The following PCDH15 variants were observed in gnomAD, a reference collection of about 807,000 sequenced individuals.
The protein encoded by PCDH15 is protocadherin related 15, also known as protocadherin-15.
PCDH15 carries 129 observed loss-of-function variants against 178.5 expected under a neutral mutation model. The ratio of observed to expected loss-of-function variants is 0.72; its 90% CI spans 0.63 to 0.84. The LOEUF (loss-of-function observed/expected upper bound fraction) is 0.84. Among genes scored for constraint, PCDH15 ranks in the 40% least tolerant of loss-of-function variants. The pLI, the probability that PCDH15 is intolerant of heterozygous loss-of-function variation, is 0.00. For synonymous variants in PCDH15, 800 were observed against 732.0 expected, an observed-to-expected ratio of 1.09 and a Z score of -1.50; for missense variants, 2,230 against 2,099.9, an observed-to-expected ratio of 1.06 and a Z score of -1.21.
chr10:54,940,856 T>C (rs927236413), intron 2 of PCDH15, among the ~76,000 whole-genome samples: 2 of 152,108 alleles, frequency 1.3e-5, no homozygotes, highest in African/African-American at 4.8e-5. Flanking sequence ...TCTAGCATTC[T>C]TGTGGTTGCT....
At chr10:54,711,502 T>C (rs969289548) in intron 1 of PCDH15, among the ~76,000 whole-genome samples, 2 of 151,932 alleles carry the variant, frequency 1.3e-5, no homozygotes, top group Non-Finnish European at 2.9e-5. Context: ...AAGGACAACG[T>C]ACAAAATCAA....
chr10:55,342,942 A>G (rs1002193915), intron 2 of PCDH15, among the ~76,000 whole-genome samples: 1 of 152,126 alleles, frequency 6.6e-6, no homozygotes, highest in Admixed American at 6.6e-5. Context: ...TTGCAGTATG[A>G]TGGATCTCAT....
chr10:54,515,408 G>A (rs151206150), intron 3 of PCDH15, among the ~76,000 whole-genome samples: 8,150 of 152,292 alleles, frequency 0.054, 248 homozygotes, highest in East Asian at 0.082. Context: ...AAACTGTAAG[G>A]CGGCAGACAG....
At chr10:54,283,850 T>C (rs2058859920) in intron 8 of PCDH15, among the ~76,000 whole-genome samples, 1 of 152,064 alleles carries the variant, frequency 6.6e-6, no homozygotes, top group African/African-American at 2.4e-5. Context: ...TTTATTTACT[T>C]ATTTATTTAT....
intron 14 of PCDH15, among the ~76,000 whole-genome samples, chr10:54,146,010 T>C (rs1272069334): frequency 6.6e-6 from 1 of 152,072 alleles, no homozygotes; most frequent in East Asian, 1.9e-4. Context: ...TACCTGTGCC[T>C]GCATCTGAAT....
intron 2 of PCDH15, among the ~76,000 whole-genome samples, chr10:54,980,811 A>G (rs1839214930): frequency 6.6e-6 from 1 of 152,070 alleles, no homozygotes; most frequent in South Asian, 2.1e-4. Flanking sequence ...TATTGATATT[A>G]AAATTGTACC....
At chr10:55,370,219 G>T (rs1845471521) in intron 2 of PCDH15, among the ~76,000 whole-genome samples, 1 of 152,004 alleles carries the variant, frequency 6.6e-6, no homozygotes, top group Admixed American at 6.6e-5. Flanking sequence ...ACAAAGAACA[G>T]ATGTGAACCA....
intron 2 of PCDH15, among the ~76,000 whole-genome samples, chr10:55,505,567 T>C (rs1840743050): frequency 6.6e-6 from 1 of 150,904 alleles, no homozygotes; most frequent in South Asian, 2.1e-4. Flanking sequence ...AAGGTAGGAG[T>C]CCATGTCTTA....
chr10:55,377,593 T>C (rs1358199293), intron 2 of PCDH15, among the ~76,000 whole-genome samples: 1 of 152,108 alleles, frequency 6.6e-6, no homozygotes, highest in African/African-American at 2.4e-5. Flanking sequence ...AATAATTCAA[T>C]AAAATAAGTC....
rs149046443 is a variant in PCDH15 at position 54,599,274 on chromosome 10, A to C, written c.91+64898T>G. On this transcript the variant is annotated intron_variant, in intron 2 of 37. Transcript: ENST00000644397. ...TCAAACTATCCTACAGGGCTACAGT[A>C]ACCAAAACAACATGGTATTGGTACA... Among the ~76,000 whole-genome samples, 479 of 152,274 alleles carry C rather than the reference A, an allele frequency of 3.1e-3. 6 individuals carry two copies. Among genetic ancestry groups the C allele is most frequent in the South Asian group, 0.024 (117 of 4,828 alleles).
chr10:54,984,027 G>T (rs1272026502), intron 2 of PCDH15, among the ~76,000 whole-genome samples: 1 of 152,146 alleles, frequency 6.6e-6, no homozygotes, highest in African/African-American at 2.4e-5. Context: ...TGTAAGTAGA[G>T]AATTATAAGA....
At chr10:54,675,241 G>T (rs533590299) in intron 1 of PCDH15, among the ~76,000 whole-genome samples, 157 of 151,904 alleles carry the variant, frequency 1.0e-3, no homozygotes, top group Non-Finnish European at 1.6e-3. Flanking sequence ...AATTTTATGG[G>T]CATTCTAATG....
chr10:55,378,029 G>A (rs1837441147), intron 2 of PCDH15, among the ~76,000 whole-genome samples: 3 of 152,074 alleles, frequency 2.0e-5, no homozygotes, highest in Admixed American at 1.3e-4. Flanking sequence ...GACACAGGGA[G>A]GGGAACATCA....
intron 2 of PCDH15, among the ~76,000 whole-genome samples, chr10:54,552,707 G>T (rs1468238958): frequency 2.0e-5 from 3 of 152,138 alleles, no homozygotes; most frequent in Non-Finnish European, 2.9e-5. Context: ...GATGGTAAGT[G>T]TAAAAGTAGT....
intron 2 of PCDH15, among the ~76,000 whole-genome samples, chr10:55,078,791 T>G (rs1841971615): frequency 6.6e-6 from 1 of 151,760 alleles, no homozygotes; most frequent in South Asian, 2.1e-4. Flanking sequence ...AAACCCCCCG[T>G]GGATCCCCAA....
rs1245787456 is a variant in PCDH15 at position 53,875,657 on chromosome 10, TC to T, written c.3502-8801del. Among the ~76,000 whole-genome samples the T allele has an allele frequency of 2.4e-4, 37 of 152,000 alleles. No individual in the cohort carries two copies. The East Asian group carries it at 6.8e-3, about 28-fold the overall frequency. On this transcript the variant is annotated intron_variant, in intron 26 of 37. Transcript: ENST00000644397. Reference sequence around the variant, plus strand: ...TAGAGTTCTTTTAAAAGAATAAAAGTCAGAAATGAATATTATAATTATACTT... The same window carrying T: ...TAGAGTTCTTTTAAAAGAATAAAAGTAGAAATGAATATTATAATTATACTT...
chr10:53,989,881 C>T (rs753142665), intron 21 of PCDH15, among the ~76,000 whole-genome samples: 2 of 151,996 alleles, frequency 1.3e-5, no homozygotes, highest in Non-Finnish European at 2.9e-5. Flanking sequence ...AAAATGATAC[C>T]AAAAAACTAT....
chr10:55,045,429 A>T (rs1008710395), intron 2 of PCDH15, among the ~76,000 whole-genome samples: 4 of 152,122 alleles, frequency 2.6e-5, no homozygotes, highest in African/African-American at 9.6e-5. Context: ...CCTAAGTACT[A>T]TAATAAAGCG....
intron 8 of PCDH15, among the ~76,000 whole-genome samples, chr10:54,249,172 T>A (rs2056260838): frequency 6.6e-6 from 1 of 152,122 alleles, no homozygotes; most frequent in African/African-American, 2.4e-5. Context: ...TGTCCGTATA[T>A]AAACACATGT....
Sources: allele counts gnomAD v4.1 joint callset (sites outside exome capture counted in the v4.1 genomes callset), GRCh38; gene constraint gnomAD v4.1.1; transcripts MANE v1.5; gene names NCBI Gene and HGNC (gene_info 2026-07-23, HGNC 2026-07-21).